PTPRD: variants seen among roughly 807,000 people sequenced by gnomAD.
PTPRD encodes receptor-type tyrosine-protein phosphatase delta.
PTPRD carries 34 observed loss-of-function variants against 214.5 expected under a neutral mutation model. The ratio of observed to expected loss-of-function variants is 0.16; its 90% CI spans 0.12 to 0.21. The LOEUF is 0.21. Ranked by LOEUF, PTPRD falls within the 10% of genes least tolerant of loss-of-function variation. The pLI, the probability that PTPRD is intolerant of heterozygous loss-of-function variation, is 1.00. For missense variants in PTPRD, 2,545 were observed against 2,398.7 expected (o/e 1.06, Z -1.27); for synonymous variants, 1,128 against 845.7 (o/e 1.33, Z -5.79).
chr9:9,680,934 C>T (rs962243998), intron 7 of PTPRD, among the ~76,000 whole-genome samples: 2 of 151,614 alleles, frequency 1.3e-5, no homozygotes, highest in East Asian at 1.9e-4. Context: ...CCTTAAAGGC[C>T]CACAAGAATC....
chr9:10,423,521 C>A (rs1429703520), intron 2 of PTPRD, among the ~76,000 whole-genome samples: 2 of 151,930 alleles, frequency 1.3e-5, no homozygotes, highest in Non-Finnish European at 2.9e-5. Flanking sequence ...CATCTCTACA[C>A]AAAGATATGC....
At chr9:10,450,251 AATAAATAAATAAAC>A (rs1484585979) in intron 2 of PTPRD, among the ~76,000 whole-genome samples, 42 of 151,162 alleles carry the variant, frequency 2.8e-4, no homozygotes, top group Admixed American at 2.3e-3. Context: ...TACTAAAAAA[AATAAATAAATAAAC>A]ATAAATAAAT....
chr9:10,108,559 T>G (rs1385819232), intron 3 of PTPRD, among the ~76,000 whole-genome samples: 1 of 151,430 alleles, frequency 6.6e-6, no homozygotes, highest in East Asian at 1.9e-4. Flanking sequence ...ATAAATGAGC[T>G]TCTCAAAAAA....
chr9:9,851,010 G>C (rs1240131089), intron 5 of PTPRD, among the ~76,000 whole-genome samples: 2 of 152,124 alleles, frequency 1.3e-5, no homozygotes, highest in Non-Finnish European at 2.9e-5. Context: ...CTAGCTATGT[G>C]ATTTTAGACA....
At chr9:9,171,160 G>C (rs1435130469) in intron 10 of PTPRD, among the ~76,000 whole-genome samples, 1 of 152,054 alleles carries the variant, frequency 6.6e-6, no homozygotes, top group Non-Finnish European at 1.5e-5. Flanking sequence ...ACATAAAAGG[G>C]TTGAGTGTGC....
At chr9:10,092,014 C>T (rs1369022314) in intron 3 of PTPRD, among the ~76,000 whole-genome samples, 1 of 151,214 alleles carries the variant, frequency 6.6e-6, no homozygotes, top group African/African-American at 2.4e-5. Context: ...ACATTTTGGC[C>T]TACACTTGAC....
chr9:10,513,049 C>T (rs1408482427), intron 2 of PTPRD, among the ~76,000 whole-genome samples: 1 of 152,006 alleles, frequency 6.6e-6, no homozygotes, highest in East Asian at 1.9e-4. Flanking sequence ...GAGCCAAAGA[C>T]AACCTGGTGA....
intron 7 of PTPRD, among the ~76,000 whole-genome samples, chr9:9,666,679 T>C (rs1466736824): frequency 6.6e-6 from 1 of 152,082 alleles, no homozygotes; most frequent in Non-Finnish European, 1.5e-5. Flanking sequence ...CTAAGGTCTT[T>C]ACTTTCAACT....
At chr9:8,556,982 A>G (rs747865082) in intron 14 of PTPRD, among the ~76,000 whole-genome samples, 7 of 152,180 alleles carry the variant, frequency 4.6e-5, no homozygotes, top group Non-Finnish European at 7.3e-5. Context: ...AATTAATACA[A>G]TATTGGCAAT....
chr9:9,444,109 T>G (rs546166846), intron 8 of PTPRD, among the ~76,000 whole-genome samples: 1 of 152,310 alleles, frequency 6.6e-6, no homozygotes, highest in African/African-American at 2.4e-5. Context: ...AACTTGAATT[T>G]ATTAAATTTT....
intron 5 of PTPRD, among the ~76,000 whole-genome samples, chr9:9,782,143 GTTGC>G (rs945422206): frequency 1.3e-5 from 2 of 152,098 alleles, no homozygotes; most frequent in African/African-American, 4.8e-5. Flanking sequence ...ACTCCCGGTG[GTTGC>G]TTGGTTTCTT....
chr9:9,876,819 A>G (rs546956455), intron 5 of PTPRD, among the ~76,000 whole-genome samples: 3 of 152,214 alleles, frequency 2.0e-5, no homozygotes, highest in African/African-American at 7.2e-5. Context: ...ACGGCATGCC[A>G]TGCATTAAGG....
At chr9:8,866,201 C>T (rs965878982) in intron 11 of PTPRD, among the ~76,000 whole-genome samples, 1 of 152,154 alleles carries the variant, frequency 6.6e-6, no homozygotes, top group African/African-American at 2.4e-5. Flanking sequence ...CAAACCAAAA[C>T]TATTCTTTCC....
chr9:10,520,577 C>G (rs1359973807), intron 2 of PTPRD, among the ~76,000 whole-genome samples: 1 of 152,152 alleles, frequency 6.6e-6, no homozygotes, highest in Non-Finnish European at 1.5e-5. Context: ...TAAGAAGAAA[C>G]AGACTTCTAT....
rs781164830 is a variant in PTPRD at position 8,499,681 on chromosome 9, G to T, written c.2288C>A (p.Pro763His). The change falls in exon 25 of 46, where the codon CCC (proline) becomes CAC (histidine). Residue 763 changes from proline (P) to histidine (H), a missense_variant. By Grantham distance (77) the Pro-to-His change is moderately conservative (BLOSUM62 -2). Transcript: ENST00000381196. ...AGCCAGCATGACATCTTTCAGCATG[G>T]GCTGGCCCTTGGGCTCACCATTTTC... ...RMENGEPKGQ[P>H]MLKDVMLADA... 3 of 1,613,864 alleles carry T rather than the reference G, an allele frequency of 1.9e-6. No individual in the cohort carries two copies. In the South Asian group the frequency reaches 3.3e-5, roughly 18 times the overall value.
chr9:8,864,680 G>A (rs903011043), intron 11 of PTPRD, among the ~76,000 whole-genome samples: 2 of 152,130 alleles, frequency 1.3e-5, no homozygotes, highest in East Asian at 3.9e-4. Context: ...GCAGTTCAGG[G>A]ATTATAAATG....
chr9:9,518,974 C>A (rs2096900936), intron 8 of PTPRD, among the ~76,000 whole-genome samples: 1 of 151,714 alleles, frequency 6.6e-6, no homozygotes, highest in East Asian at 1.9e-4. Context: ...GTATGTGGAC[C>A]ATTAGTTATT....
chr9:8,710,503 C>G (rs1353095219), intron 12 of PTPRD, among the ~76,000 whole-genome samples: 1 of 152,134 alleles, frequency 6.6e-6, no homozygotes, highest in Non-Finnish European at 1.5e-5. Context: ...ATACTCCTAG[C>G]TACTCAGGAG....
intron 4 of PTPRD, among the ~76,000 whole-genome samples, chr9:10,001,000 G>T (rs1244490642): frequency 6.6e-6 from 1 of 152,098 alleles, no homozygotes; most frequent in Non-Finnish European, 1.5e-5. Flanking sequence ...CAATATTACC[G>T]ACCACTTTTT....
Sources: gnomAD v4.1 joint callset for allele counts (sites outside exome capture counted in the v4.1 genomes callset) on GRCh38, gnomAD v4.1.1 for gene constraint, MANE v1.5 for transcripts, NCBI Gene and HGNC (gene_info 2026-07-23, HGNC 2026-07-21) for gene names.